LINGO1: variants seen among roughly 807,000 people sequenced by gnomAD.
LINGO1 encodes the protein leucine-rich repeat and immunoglobulin-like domain-containing nogo receptor-interacting protein 1.
LINGO1 carries 11 observed loss-of-function variants against 37.3 expected under a neutral mutation model. That is an observed-to-expected ratio of 0.29 (90% confidence interval 0.19 to 0.49). The LOEUF is 0.49. LINGO1 is among the 20% of genes least tolerant of loss of function. The probability of loss-of-function intolerance (pLI) is 0.99; values close to 1 mark genes in which losing one functional copy is unlikely to be tolerated. For synonymous variants in LINGO1, 387 were observed against 403.0 expected (o/e 0.96, Z 0.48); for missense variants, 585 against 878.2 (o/e 0.67, Z 4.22).
chr15:77,792,775 C>T (rs1311783897), intron 2 of LINGO1, among the ~76,000 whole-genome samples: 2 of 152,244 alleles, frequency 1.3e-5, no homozygotes, highest in Non-Finnish European at 2.9e-5. Flanking sequence ...CCTATTCACC[C>T]ATGGATGCCA....
At chr15:77,761,738 G>A (rs1382974260) in intron 1 of LINGO1, among the ~76,000 whole-genome samples, 3 of 152,202 alleles carry the variant, frequency 2.0e-5, no homozygotes, top group Non-Finnish European at 4.4e-5. Flanking sequence ...CAGGGACATG[G>A]AGTGGAGTCC....
At position 77,615,365 on chromosome 15, in the gene LINGO1, T is replaced by C. The variant is rs765476234; in HGVS notation, c.542A>G (p.Tyr181Cys). 1.2e-6 allele frequency: 2 copies of C among 1,613,960 alleles called. No homozygotes were observed. Among genetic ancestry groups the C allele is most frequent in the Non-Finnish European group, 1.7e-6 (2 of 1,179,894 alleles). Residue 181 changes from tyrosine to cysteine, a missense_variant, in exon 2 of 2, where the codon TAC becomes TGC. Around this residue, in one of 4 missense-constraint regions of LINGO1, gnomAD observed 484 missense variants for 735.0 expected, o/e 0.66. Transcript: ENST00000355300. ...GCCGCTGAAGGCGCGGTGAGAGATG[T>C]AGACGAGGTCATTGTCGCCAACCTC... ...SLEVGDNDLVYISHRAFSGLN... is the reference protein window; with the variant it reads ...SLEVGDNDLVCISHRAFSGLN...
upstream of LINGO1, among the ~76,000 whole-genome samples, chr15:77,791,783 G>T (rs1406234716): frequency 6.6e-6 from 1 of 152,092 alleles, no homozygotes; most frequent in African/African-American, 2.4e-5. Context: ...GCTGACAGCA[G>T]CCGTGACAAG....
chr15:77,800,113 T>G (rs2076905520), intron 1 of LINGO1, among the ~76,000 whole-genome samples: 1 of 152,254 alleles, frequency 6.6e-6, no homozygotes, highest in Admixed American at 6.5e-5. Context: ...GGGACTAGGA[T>G]TGGCTCAGAG....
In LINGO1 at chr15:77,754,933, C is replaced by T. The variant is rs142050470; in HGVS notation, c.-256-19880G>A. 3.9e-5 allele frequency among the ~76,000 whole-genome samples: 6 copies of T among 152,374 alleles called. No homozygotes were observed. The East Asian group carries it at 7.7e-4, about 20-fold the overall frequency. ...GGGCCTGGTGGTCTCCAGCTCCCAA[C>T]GCTGTTGTGAAGCTTGAGGCAGGCC... On this transcript the variant is annotated intron_variant, in intron 1 of 3. Transcript: ENST00000561686.
intron 3 of LINGO1, among the ~76,000 whole-genome samples, chr15:77,650,325 A>C (rs563451332): frequency 1.8e-4 from 28 of 152,192 alleles, no homozygotes; most frequent in Admixed American, 1.7e-3. Context: ...AAAGCAAAAA[A>C]ATATACATAT....
upstream of LINGO1, chr15:77,820,470 G>C (rs942702120): frequency 6.6e-6 from 1 of 152,360 alleles, no homozygotes; most frequent in Non-Finnish European, 1.5e-5. Context: ...GCCGACAATG[G>C]GTGTGCGGCG....
At chr15:77,818,837 G>A (rs1177556333) in intron 1 of LINGO1, among the ~76,000 whole-genome samples, 3 of 151,792 alleles carry the variant, frequency 2.0e-5, no homozygotes, top group Non-Finnish European at 2.9e-5. Flanking sequence ...GCGGCTGCGC[G>A]ACTGAGGAGC....
upstream of LINGO1, among the ~76,000 whole-genome samples, chr15:77,700,422 A>G (rs1281099088): frequency 1.3e-5 from 2 of 152,170 alleles, no homozygotes; most frequent in African/African-American, 2.4e-5. Context: ...CTCTACTATG[A>G]TGACAACAAC....
intron 2 of LINGO1, chr15:77,720,819 C>A (rs1003784211): frequency 6.6e-6 from 1 of 152,100 alleles, no homozygotes; most frequent in East Asian, 1.9e-4. Flanking sequence ...TCTTCAGCTG[C>A]CTTCCAGACA....
chr15:77,725,467 G>A (rs996290007), intron 2 of LINGO1, among the ~76,000 whole-genome samples: 1 of 152,194 alleles, frequency 6.6e-6, no homozygotes, highest in Non-Finnish European at 1.5e-5. Context: ...GGAGGCTGAG[G>A]TAGGGGGATC....
At chr15:77,818,267 G>A (rs1777631477) in intron 1 of LINGO1, among the ~76,000 whole-genome samples, 1 of 152,202 alleles carries the variant, frequency 6.6e-6, no homozygotes, top group South Asian at 2.1e-4. Context: ...CAGGAGACAC[G>A]GGGTTCTCTC....
intron 2 of LINGO1, among the ~76,000 whole-genome samples, chr15:77,712,920 A>C (rs1420013621): frequency 6.6e-6 from 1 of 151,416 alleles, no homozygotes; most frequent in Non-Finnish European, 1.5e-5. Context: ...TTTCAACATC[A>C]CCTGTCTCTC....
rs376343817 is a variant in LINGO1, at chr15:77,724,548, T to C, written c.-195+10444A>G. On this transcript the variant is annotated intron_variant, in intron 2 of 3. Coordinates refer to the LINGO1 transcript ENST00000561686. ...CACTGGCCAAGGTCACCAGCAAGCC[T>C]GCAGTGGCAGAGGCACTTTCTAGTT... is the stretch of plus-strand genomic sequence containing the variant. Among the ~76,000 whole-genome samples, 30 of 152,352 alleles carry C rather than the reference T, an allele frequency of 2.0e-4. No individual in the cohort carries two copies. In the East Asian group the frequency reaches 3.1e-3, roughly 16 times the overall value.
intron 3 of LINGO1, among the ~76,000 whole-genome samples, chr15:77,674,326 A>C (rs1024223816): frequency 6.6e-6 from 1 of 152,124 alleles, no homozygotes; most frequent in Non-Finnish European, 1.5e-5. Context: ...TGCAACAAAC[A>C]GCCTCCTGTC....
At chr15:77,642,978 G>A (rs1307881664) in intron 3 of LINGO1, among the ~76,000 whole-genome samples, 1 of 152,206 alleles carries the variant, frequency 6.6e-6, no homozygotes, top group East Asian at 1.9e-4. Flanking sequence ...TGTGGAGCCT[G>A]GGCTTGGTGC....
chr15:77,717,739 G>A (rs2076001891), intron 2 of LINGO1, among the ~76,000 whole-genome samples: 1 of 150,662 alleles, frequency 6.6e-6, no homozygotes, highest in Admixed American at 6.6e-5. Context: ...TTCTGCACAG[G>A]AGGGAGCCTC....
intron 1 of LINGO1, among the ~76,000 whole-genome samples, chr15:77,807,663 A>G (rs2076971237): frequency 6.6e-6 from 1 of 152,216 alleles, no homozygotes. Context: ...GGTTAGAGTC[A>G]AAACAGGGGG....
intron 1 of LINGO1, among the ~76,000 whole-genome samples, chr15:77,804,443 A>T (rs1306014714): frequency 2.6e-5 from 4 of 152,184 alleles, no homozygotes. Context: ...TGTCCAAGGC[A>T]GGCAAGCTGT....
Sources: allele counts gnomAD v4.1 joint callset (sites outside exome capture counted in the v4.1 genomes callset), GRCh38; gene constraint gnomAD v4.1.1; regional missense constraint gnomAD v4.1.1; transcripts MANE v1.5; gene names NCBI Gene and HGNC (gene_info 2026-07-23, HGNC 2026-07-21).